The following SPAG16 variants were observed in gnomAD, a reference collection of about 807,000 sequenced individuals.
SPAG16 encodes the protein sperm-associated antigen 16 protein.
Under a neutral mutation model 80.4 loss-of-function variants are expected in SPAG16, and 86 were observed. The observed-to-expected ratio is 1.07, with a 90% CI of 0.90 to 1.28. SPAG16 has a LOEUF of 1.28. Among genes scored for constraint, SPAG16 ranks in the 50% most tolerant of loss-of-function variants. The probability of loss-of-function intolerance (pLI) is 0.00; values close to 1 mark genes in which losing one functional copy is unlikely to be tolerated. For missense variants in SPAG16, 870 were observed against 765.3 expected (o/e 1.14, Z -1.61); for synonymous variants, 294 against 265.9 (o/e 1.11, Z -1.03).
At chr2:214,147,016 AAT>A (rs200408450) in intron 14 of SPAG16, among the ~76,000 whole-genome samples, 6,873 of 106,072 alleles carry the variant, frequency 0.065, 198 homozygotes, top group Middle Eastern at 0.1. Flanking sequence ...AAAAAAAAAA[AAT>A]TTTCATATTC....
chr2:213,658,850 A>G (rs2063318083), intron 10 of SPAG16, among the ~76,000 whole-genome samples: 1 of 152,200 alleles, frequency 6.6e-6, no homozygotes, highest in Non-Finnish European at 1.5e-5. Context: ...ATCCTGGCCA[A>G]CATGGTGAAA....
At chr2:214,084,329 T>C (rs2051575292) in intron 13 of SPAG16, among the ~76,000 whole-genome samples, 1 of 151,956 alleles carries the variant, frequency 6.6e-6, no homozygotes, top group South Asian at 2.1e-4. Context: ...AAAAACAAAA[T>C]CCTCAATTCT....
chr2:213,340,167 G>C lies in SPAG16; in HGVS notation c.541G>C (p.Ala181Pro). ...LKHYKQAADKAREDLLKIQKE... is the reference protein window; with the variant it reads ...LKHYKQAADKPREDLLKIQKE... ...AAGTTACTATTTTTTTTTCAGCAAA[G>C]CTAGAGAAGATTTGCTGAAAATTCA... Residue 181 changes from alanine to proline, a missense_variant, in exon 6 of 16, where the codon GCT (alanine) becomes CCT (proline). Coordinates refer to ENST00000331683, the MANE Select transcript of SPAG16 (RefSeq NM_024532.5). The C allele has an allele frequency of 6.2e-7, 1 of 1,601,162 alleles. No individual in the cohort carries two copies. The highest frequency in any genetic ancestry group is 1.3e-5 in the African/African-American group (1 of 74,314).
At chr2:213,918,465 A>G (rs889956085) in intron 11 of SPAG16, among the ~76,000 whole-genome samples, 70 of 152,114 alleles carry the variant, frequency 4.6e-4, no homozygotes, top group Non-Finnish European at 6.5e-4. Flanking sequence ...CTCATCTTGA[A>G]TTATAGCTCC....
chr2:214,286,518 G>A (rs943778966), intron 15 of SPAG16, among the ~76,000 whole-genome samples: 2 of 152,154 alleles, frequency 1.3e-5, no homozygotes, highest in African/African-American at 2.4e-5. Flanking sequence ...AGGCTAAGGT[G>A]GGCATATCAC....
chr2:213,903,401 T>C (rs1245942405), intron 11 of SPAG16, among the ~76,000 whole-genome samples: 1 of 152,122 alleles, frequency 6.6e-6, no homozygotes, highest in African/African-American at 2.4e-5. Flanking sequence ...CACTCACAGC[T>C]CAACACCACA....
intron 15 of SPAG16, among the ~76,000 whole-genome samples, chr2:214,256,415 CT>C (rs1246816617): frequency 6.6e-6 from 1 of 151,684 alleles, no homozygotes; most frequent in Non-Finnish European, 1.5e-5. Context: ...TATTTCTTTT[CT>C]TTTACGGTTA....
At chr2:214,242,931 G>T (rs149304544) in intron 15 of SPAG16, among the ~76,000 whole-genome samples, 2,478 of 152,102 alleles carry the variant, frequency 0.016, 42 homozygotes, top group African/African-American at 0.037. Context: ...TTTACCTCAG[G>T]AATGACTCAC....
chr2:213,735,477 A>G (rs1182445384), intron 10 of SPAG16, among the ~76,000 whole-genome samples: 1 of 152,212 alleles, frequency 6.6e-6, no homozygotes, highest in Admixed American at 6.5e-5. Flanking sequence ...GCTCTAGTCC[A>G]GGTGCTGGCT....
At chr2:213,302,221 T>C (rs2062766199) in intron 3 of SPAG16, among the ~76,000 whole-genome samples, 1 of 152,154 alleles carries the variant, frequency 6.6e-6, no homozygotes, top group South Asian at 2.1e-4. Flanking sequence ...TTCGCTAGTT[T>C]GTAGATTGCT....
chr2:213,482,136 A>G (rs2073778193), intron 9 of SPAG16, among the ~76,000 whole-genome samples: 2 of 152,246 alleles, frequency 1.3e-5, no homozygotes, highest in African/African-American at 4.8e-5. Context: ...CTCTTGTACT[A>G]CATTGTGCAA....
rs553449390 is a variant in SPAG16 at position 213,712,916 on chromosome 2, A to G, written c.1071-149569A>G. Among the ~76,000 whole-genome samples, 15 of 152,266 alleles carry G rather than the reference A, an allele frequency of 9.9e-5. No individual in the cohort carries two copies. In the South Asian group the frequency reaches 2.7e-3, roughly 27 times the overall value. ...TGTTCTCATACTGCTACGAAGAAAT[A>G]CCTGAGGCTGGGTAATTTATAAAGA... is the stretch of plus-strand genomic sequence containing the variant. On this transcript the variant is annotated intron_variant, in intron 10 of 15. Coordinates refer to ENST00000331683, the MANE Select transcript of SPAG16 (RefSeq NM_024532.5).
At chr2:214,010,032 G>C (rs547685905) in intron 12 of SPAG16, among the ~76,000 whole-genome samples, 1 of 118,144 alleles carries the variant, frequency 8.5e-6, no homozygotes, top group African/African-American at 4.3e-5. Flanking sequence ...TCACACAAAA[G>C]TACTCTGTTT....
chr2:213,440,732 G>A (rs2070904331), intron 9 of SPAG16, among the ~76,000 whole-genome samples: 1 of 152,158 alleles, frequency 6.6e-6, no homozygotes, highest in African/African-American at 2.4e-5. Flanking sequence ...TTGGTTATAT[G>A]TAAAAAATGA....
At chr2:214,080,442 CAAAA>C (rs11346646) in intron 13 of SPAG16, among the ~76,000 whole-genome samples, 1 of 136,882 alleles carries the variant, frequency 7.3e-6, no homozygotes, top group Admixed American at 7.3e-5. Flanking sequence ...ACTAAAAATA[CAAAA>C]AAAAAAAAAA....
intron 10 of SPAG16, among the ~76,000 whole-genome samples, chr2:213,759,206 T>C (rs2068511412): frequency 6.6e-6 from 1 of 152,046 alleles, no homozygotes; most frequent in African/African-American, 2.4e-5. Flanking sequence ...AGACAGTAAC[T>C]TGAAGTTGTG....
At chr2:213,335,066 C>T (rs988272171) in intron 5 of SPAG16, among the ~76,000 whole-genome samples, 7 of 152,060 alleles carry the variant, frequency 4.6e-5, no homozygotes, top group Non-Finnish European at 1.0e-4. Context: ...ATATATACAT[C>T]TACTATGTAC....
intron 14 of SPAG16, among the ~76,000 whole-genome samples, chr2:214,125,347 TAAATC>T (rs1470226613): frequency 4.0e-5 from 6 of 151,770 alleles, no homozygotes; most frequent in African/African-American, 7.2e-5. Flanking sequence ...AGTTATGAAA[TAAATC>T]AAGTCATTAC....
chr2:214,403,045 CAA>C (rs746647263), intron 15 of SPAG16, among the ~76,000 whole-genome samples: 6 of 66,620 alleles, frequency 9.0e-5, no homozygotes, highest in Admixed American at 5.0e-4. Flanking sequence ...GGAGCCAATC[CAA>C]AAAAAAAAAA....
Sources: allele counts gnomAD v4.1 joint callset (sites outside exome capture counted in the v4.1 genomes callset), GRCh38; gene constraint gnomAD v4.1.1; transcripts MANE v1.5; gene names NCBI Gene and HGNC (gene_info 2026-07-23, HGNC 2026-07-21).